Variants in CDH4 observed in about 807,000 individuals in gnomAD.
CDH4 encodes cadherin 4.
CDH4 carries 33 observed loss-of-function variants against 86.0 expected under a neutral mutation model. The ratio of observed to expected loss-of-function variants is 0.38; its 90% confidence interval spans 0.29 to 0.51. The LOEUF is 0.51. Ranked by LOEUF, CDH4 falls within the 20% of genes least tolerant of loss-of-function variation. The pLI is 0.86. For missense variants in CDH4, 1,114 were observed against 1,307.4 expected (o/e 0.85, Z 2.28); for synonymous variants, 555 against 549.4 (o/e 1.01, Z -0.14).
At chr20:61,565,257 ATGG>A (rs1239271694) in intron 2 of CDH4, among the ~76,000 whole-genome samples, 683 of 14,742 alleles carry the variant, frequency 0.046, 92 homozygotes, top group Non-Finnish European at 0.054. Flanking sequence ...GCTCTTGGTG[ATGG>A]TGGTGGTGGT....
At chr20:61,710,796 A>G (rs2087881934) in intron 2 of CDH4, among the ~76,000 whole-genome samples, 1 of 152,216 alleles carries the variant, frequency 6.6e-6, no homozygotes, top group South Asian at 2.1e-4. Context: ...ACACTTTCTG[A>G]GGCCCTACAT....
At chr20:61,541,548 C>T (rs955045604) in intron 2 of CDH4, among the ~76,000 whole-genome samples, 1 of 152,186 alleles carries the variant, frequency 6.6e-6, no homozygotes, top group African/African-American at 2.4e-5. Context: ...CACTACTTTA[C>T]CACGTGAGCT....
At chr20:61,260,014 G>A (rs1449036686) in intron 2 of CDH4, among the ~76,000 whole-genome samples, 1 of 152,162 alleles carries the variant, frequency 6.6e-6, no homozygotes, top group Non-Finnish European at 1.5e-5. Context: ...CTCAAACAAT[G>A]GCAGAGCCCT....
rs2086796397 is a variant in CDH4 at position 61,623,384 on chromosome 20, C to A, written c.170-120179C>A. On this transcript the variant is annotated intron_variant, in intron 2 of 15. Coordinates refer to ENST00000614565, the MANE Select transcript of CDH4 (RefSeq NM_001794.5). The surrounding 1 kb of genome is among the most constrained non-coding windows in gnomAD (Gnocchi z 4.4). ...ACCTTTCCCCACCCCATCACAAAGC[C>A]CCCTTTAAACTCCCGTTTAGAACAG... Among the ~76,000 whole-genome samples the A allele has an allele frequency of 6.6e-6, 1 of 152,170 alleles. No individual in the cohort carries two copies. The highest frequency in any genetic ancestry group is 1.5e-5 in the Non-Finnish European group (1 of 68,042).
intron 7 of CDH4, among the ~76,000 whole-genome samples, chr20:61,886,850 A>T (rs1984565253): frequency 6.6e-6 from 1 of 152,164 alleles, no homozygotes; most frequent in African/African-American, 2.4e-5. Context: ...GGGCACCGGG[A>T]GGAGGTGCCA....
rs774982249 is a variant in CDH4 at position 61,936,978 on chromosome 20, T to A, written c.*35T>A. ...CATCTTCGGACCGAAGTGAGAGCCG[T>A]GCTCGGACGCCGGAGGAGCAGGACT... On this transcript the variant is annotated 3_prime_UTR_variant, in exon 16 of 16. Coordinates refer to ENST00000614565, the MANE Select transcript of CDH4 (RefSeq NM_001794.5). 2.0e-6 allele frequency: 3 copies of A among 1,525,834 alleles called. No homozygotes were observed. The South Asian group carries it at 3.8e-5, about 19-fold the overall frequency. 94.5% of individuals were successfully genotyped at this position (1,525,834 alleles called of 1,614,324 possible).
chr20:61,691,954 G>A (rs1406179287), intron 2 of CDH4, among the ~76,000 whole-genome samples: 1 of 152,214 alleles, frequency 6.6e-6, no homozygotes, highest in Non-Finnish European at 1.5e-5. Context: ...GCACTTTTGT[G>A]TATTATCGGA....
In CDH4 at chr20:61,681,776, C is replaced by T. The variant is rs1212551656; in HGVS notation, c.170-61787C>T. ...GTCGGTGTTGCTGTGTTCTCAGGCC[C>T]GTGCAGCTGACATTCCTTTGGCTTC... On this transcript the variant is annotated intron_variant, in intron 2 of 15. Coordinates refer to ENST00000614565, the MANE Select transcript of CDH4 (RefSeq NM_001794.5). This position sits in a 1 kb window ranked among gnomAD's most constrained non-coding sequence, Gnocchi z 4.5. Among the ~76,000 whole-genome samples, 1 of 152,208 alleles carries T rather than the reference C, an allele frequency of 6.6e-6. No individual in the cohort carries two copies. Among genetic ancestry groups the T allele is most frequent in the African/African-American group, 2.4e-5 (1 of 41,446 alleles).
intron 2 of CDH4, among the ~76,000 whole-genome samples, chr20:61,648,800 T>A (rs1172519632): frequency 6.6e-6 from 1 of 152,178 alleles, no homozygotes; most frequent in Non-Finnish European, 1.5e-5. Context: ...CCCAGCTTGA[T>A]AACGAAAACC....
chr20:61,352,068 C>G (rs915159339), intron 2 of CDH4, among the ~76,000 whole-genome samples: 9 of 151,990 alleles, frequency 5.9e-5, no homozygotes, highest in African/African-American at 2.2e-4. Flanking sequence ...GTACAGTCAC[C>G]CTGTTGTGCT....
At chr20:61,358,634 G>C (rs1253590260) in intron 2 of CDH4, among the ~76,000 whole-genome samples, 1 of 152,216 alleles carries the variant, frequency 6.6e-6, no homozygotes, top group Non-Finnish European at 1.5e-5. Flanking sequence ...TTTACACAGA[G>C]AGGGTCAAAT....
intron 2 of CDH4, among the ~76,000 whole-genome samples, chr20:61,706,777 C>T (rs553929510): frequency 6.6e-6 from 1 of 152,306 alleles, no homozygotes; most frequent in East Asian, 1.9e-4. Context: ...GGAACTGGCT[C>T]GGGCAGGACG....
chr20:61,618,270 C>T (rs991481499), intron 2 of CDH4, among the ~76,000 whole-genome samples: 4 of 151,928 alleles, frequency 2.6e-5, no homozygotes, highest in Non-Finnish European at 4.4e-5. Context: ...GGTAAATGTT[C>T]GTGAGAAAGG....
rs1289126545 is a variant in CDH4 at position 61,879,664 on chromosome 20, C to T, written c.1050+5764C>T. 1.3e-5 allele frequency among the ~76,000 whole-genome samples: 2 copies of T among 152,138 alleles called. No individual in the cohort carries two copies. The highest frequency in any genetic ancestry group is 6.5e-5 in the Admixed American group (1 of 15,272). ...CCACTTGCTAATCCTATTCATCTGG[C>T]GTTGTTTCCTAATTAGAATATTTAT... On this transcript the variant is annotated intron_variant, in intron 7 of 15. Coordinates refer to ENST00000614565, the MANE Select transcript of CDH4 (RefSeq NM_001794.5). The surrounding 1 kb of genome is among the most constrained non-coding windows in gnomAD (Gnocchi z 4.1).
In CDH4 at chr20:61,829,417, C is replaced by T. The variant is rs549063728; in HGVS notation, c.577-15251C>T. ...CACTCAGCAGCTGACAGACACTTGG[C>T]GGTTGCACTTTGGGGCTGTTGTCAG... is the stretch of plus-strand genomic sequence containing the variant. On this transcript the variant is annotated intron_variant, in intron 4 of 15. Transcript: ENST00000614565. This position sits in a 1 kb window ranked among gnomAD's most constrained non-coding sequence, Gnocchi z 4.2. Among the ~76,000 whole-genome samples, 32 of 152,342 alleles carry T rather than the reference C, an allele frequency of 2.1e-4. No individual in the cohort carries two copies. In the South Asian group the frequency reaches 3.1e-3, roughly 15 times the overall value.
At chr20:61,257,279 C>T (rs1412613010) in intron 2 of CDH4, among the ~76,000 whole-genome samples, 2 of 152,096 alleles carry the variant, frequency 1.3e-5, no homozygotes, top group Admixed American at 6.5e-5. Context: ...CCAGCAGGAG[C>T]GATTTGTTAC....
intron 2 of CDH4, among the ~76,000 whole-genome samples, chr20:61,275,764 CTG>C (rs1234067762): frequency 6.6e-6 from 1 of 151,974 alleles, no homozygotes; most frequent in African/African-American, 2.4e-5. Context: ...GGACACCTGA[CTG>C]TGCTTTTCTG....
At chr20:61,816,948 A>T (rs1042493152) in intron 4 of CDH4, among the ~76,000 whole-genome samples, 1 of 152,216 alleles carries the variant, frequency 6.6e-6, no homozygotes. Context: ...ATATCATGGC[A>T]GTGGCTTGGG....
chr20:61,885,297 G>T (rs1294999937), intron 7 of CDH4, among the ~76,000 whole-genome samples: 7 of 151,958 alleles, frequency 4.6e-5, no homozygotes, highest in African/African-American at 1.7e-4. Context: ...ATTTCTCCTC[G>T]ACTCCCTTAC....
Sources: gnomAD v4.1 joint callset for allele counts (sites outside exome capture counted in the v4.1 genomes callset) on GRCh38, gnomAD v4.1.1 for gene constraint, Gnocchi (gnomAD v3.1) non-coding constraint, MANE v1.5 for transcripts, NCBI Gene and HGNC (gene_info 2026-07-23, HGNC 2026-07-21) for gene names.